SCCPDH: variants seen among roughly 807,000 people sequenced by gnomAD.
The protein encoded by SCCPDH is saccharopine dehydrogenase (putative), also known as saccharopine dehydrogenase-like oxidoreductase.
In SCCPDH, 34 loss-of-function variants were observed where a neutral mutation model predicts 51.5. That is an observed-to-expected ratio of 0.66 (90% confidence interval 0.50 to 0.88). SCCPDH has a LOEUF of 0.88. Among genes scored for constraint, SCCPDH ranks in the 40% least tolerant of loss-of-function variants. The pLI, the probability that SCCPDH is intolerant of heterozygous loss-of-function variation, is 0.00. For synonymous variants in SCCPDH, 187 were observed against 191.3 expected, an observed-to-expected ratio of 0.98 and a Z score of 0.19; for missense variants, 464 against 527.1, an observed-to-expected ratio of 0.88 and a Z score of 1.17.
chr1:246,737,589 C>T lies in SCCPDH; in HGVS notation c.384+1534C>T, dbSNP rs563073603. On this transcript the variant is annotated intron_variant, in intron 3 of 11. Transcript: ENST00000366510. ...CTAGAAACTATCATAAAAGTAGTAT[C>T]GAACCCCCCCCTTTTTTTTTGATAC... 7.2e-5 allele frequency among the ~76,000 whole-genome samples: 11 copies of T among 152,024 alleles called. No homozygotes were observed. The East Asian group carries it at 1.2e-3, about 16-fold the overall frequency.
At chr1:246,727,231 G>T (rs541305023) in intron 2 of SCCPDH, among the ~76,000 whole-genome samples, 2 of 152,186 alleles carry the variant, frequency 1.3e-5, no homozygotes, top group Non-Finnish European at 2.9e-5. Context: ...GTGCTGGCTT[G>T]TTGATTGGTT....
intron 5 of SCCPDH, among the ~76,000 whole-genome samples, chr1:246,753,651 A>G (rs374053993): frequency 3.3e-5 from 5 of 152,116 alleles, no homozygotes; most frequent in African/African-American, 9.6e-5. Context: ...GATCCGCTGT[A>G]GGAACGTTTT....
At chr1:246,739,683 A>T (rs1302023093) in intron 3 of SCCPDH, among the ~76,000 whole-genome samples, 1 of 152,118 alleles carries the variant, frequency 6.6e-6, no homozygotes, top group African/African-American at 2.4e-5. Context: ...CTACTATTCA[A>T]TTTTTCTGTA....
intron 1 of SCCPDH, among the ~76,000 whole-genome samples, chr1:246,725,032 A>G (rs1293037852): frequency 6.6e-6 from 1 of 151,996 alleles, no homozygotes; most frequent in Non-Finnish European, 1.5e-5. Context: ...TCTCTTGGAG[A>G]TCGGAGTCTC....
At chr1:246,741,664 T>C (rs61852482) in intron 4 of SCCPDH, among the ~76,000 whole-genome samples, 25,326 of 152,118 alleles carry the variant, frequency 0.17, 3,325 homozygotes, top group African/African-American at 0.36. Flanking sequence ...GTTATGCAAT[T>C]ATATCAGAGG....
intron 1 of SCCPDH, among the ~76,000 whole-genome samples, 198 bp downstream of exon 1, chr1:246,724,810 C>T (rs1240114506): frequency 6.6e-6 from 1 of 152,204 alleles, no homozygotes; most frequent in Non-Finnish European, 1.5e-5. Context: ...TGTGTGTGCG[C>T]GTGCGTGTAT....
chr1:246,731,752 T>C (rs1401010739), intron 2 of SCCPDH, among the ~76,000 whole-genome samples: 2 of 152,208 alleles, frequency 1.3e-5, no homozygotes, highest in Non-Finnish European at 2.9e-5. Flanking sequence ...CTAGGGTACA[T>C]GTGCACAACA....
At position 246,743,291 on chromosome 1, in the gene SCCPDH, A is replaced by T. The variant is rs189497900; in HGVS notation, c.515-785A>T. Among the ~76,000 whole-genome samples, 836 of 152,062 alleles carry T rather than the reference A, an allele frequency of 5.5e-3. 4 individuals carry two copies. The highest frequency in any genetic ancestry group is 8.7e-3 in the Non-Finnish European group (594 of 67,962). On this transcript the variant is annotated intron_variant, in intron 4 of 11. Coordinates refer to ENST00000366510, the MANE Select transcript of SCCPDH (RefSeq NM_016002.3). ...GCCACTGCAGCTGGCTAATTTTTTT[A>T]AAAAAATTGGGGGCCGGGCATGGTG...
intron 4 of SCCPDH, 83 bp from the exon 5 acceptor site, chr1:246,743,993 A>C (rs1668718949): frequency 1.3e-6 from 1 of 777,192 alleles, no homozygotes. Context: ...TCCCTAAGTG[A>C]ATACGCATTG....
chr1:246,739,446 C>A lies in SCCPDH; in HGVS notation c.385-726C>A, dbSNP rs921427220. On this transcript the variant is annotated intron_variant, in intron 3 of 11. Transcript: ENST00000366510. ...CAGAGACAAGGAAAGTGTGAGAAACCGTCGCAGCCAAAAGAAGCCGAAGGA... is the reference window on the plus strand; with the variant it reads ...CAGAGACAAGGAAAGTGTGAGAAACAGTCGCAGCCAAAAGAAGCCGAAGGA... 3.9e-5 allele frequency among the ~76,000 whole-genome samples: 6 copies of A among 152,246 alleles called. No homozygotes were observed. The East Asian group carries it at 9.7e-4, about 25-fold the overall frequency.
intron 9 of SCCPDH, among the ~76,000 whole-genome samples, chr1:246,763,627 T>C (rs1165279509): frequency 6.6e-6 from 1 of 152,200 alleles, no homozygotes; most frequent in African/African-American, 2.4e-5. Flanking sequence ...GTCACATTGT[T>C]ATTTAATCTG....
rs758717053 is a variant in SCCPDH, at chr1:246,766,139, C to T, written c.1184C>T (p.Ala395Val). ...AGTGATGCTTCTCATCTGCCTAAGG[C>T]GTAAGTTTGGTTTTCTTCCAATTAG... ...LLSDASHLPK[A>V]GGVFTPGAAF... is the part of the protein sequence containing the mutation. The change falls in exon 11 of 12, where the codon GCG (alanine) becomes GTG (valine). Residue 395 changes from alanine to valine, a missense_variant and splice_region_variant. Physicochemically the swap from Ala to Val is moderately conservative, Grantham distance 64. Coordinates refer to ENST00000366510, the MANE Select transcript of SCCPDH (RefSeq NM_016002.3). 1.1e-5 allele frequency: 17 copies of T among 1,602,660 alleles called. No homozygotes were observed. Among genetic ancestry groups the T allele is most frequent in the South Asian group, 2.2e-5 (2 of 89,882 alleles).
At chr1:246,753,005 C>CTCTCTCTTTGCCTCTCTGTCTCTT (rs1668875205) in intron 5 of SCCPDH, among the ~76,000 whole-genome samples, 1 of 151,940 alleles carries the variant, frequency 6.6e-6, no homozygotes, top group Non-Finnish European at 1.5e-5. Flanking sequence ...CTGTCTCTTT[C>CTCTCTCTTTGCCTCTCTGTCTCTT]TCTCTCTTTG....
At chr1:246,751,379 T>C (rs1668848858) in intron 5 of SCCPDH, among the ~76,000 whole-genome samples, 1 of 152,256 alleles carries the variant, frequency 6.6e-6, no homozygotes, top group African/African-American at 2.4e-5. Flanking sequence ...ACAGAAACTT[T>C]AACCAATATG....
chr1:246,744,423 A>G (rs1176801152), intron 5 of SCCPDH, among the ~76,000 whole-genome samples: 1 of 151,872 alleles, frequency 6.6e-6, no homozygotes, highest in Non-Finnish European at 1.5e-5. Flanking sequence ...GGTTCAAGCG[A>G]TTCTCCTGCC....
At chr1:246,726,268 C>T (rs946423073) in intron 1 of SCCPDH, among the ~76,000 whole-genome samples, 1 of 152,080 alleles carries the variant, frequency 6.6e-6, no homozygotes, top group Admixed American at 6.6e-5. Flanking sequence ...GACAAGTTCT[C>T]ATTCTGCCAC....
chr1:246,728,892 G>A (rs1386467553), intron 2 of SCCPDH, among the ~76,000 whole-genome samples: 4 of 152,282 alleles, frequency 2.6e-5, no homozygotes, highest in Admixed American at 2.6e-4. Context: ...CCAGCCCCCA[G>A]TATTTCAACA....
At position 246,724,529 on chromosome 1, in the gene SCCPDH, G is replaced by A. The variant is rs1668357528; in HGVS notation, c.107G>A (p.Arg36Gln). ...GCCCGGGAGCAGGTGGACCCGGAGC[G>A]GAGCTCCCGCCTGCCCTGGGCCGTG... is the stretch of plus-strand genomic sequence containing the variant. ...EVAREQVDPE[R>Q]SSRLPWAVAG... The change falls in exon 1 of 12, where the codon CGG becomes CAG. Residue 36 changes from arginine (R) to glutamine (Q), a missense_variant. By Grantham distance (43) the Arg-to-Gln change is conservative. Coordinates refer to ENST00000366510, the MANE Select transcript of SCCPDH (RefSeq NM_016002.3). 5 of 1,547,096 alleles carry A rather than the reference G, an allele frequency of 3.2e-6. No individual in the cohort carries two copies. Among genetic ancestry groups the A allele is most frequent in the Admixed American group, 3.9e-5 (2 of 50,646 alleles).
At chr1:246,751,985 G>A (rs953589622) in intron 5 of SCCPDH, among the ~76,000 whole-genome samples, 4 of 149,930 alleles carry the variant, frequency 2.7e-5, no homozygotes, top group Non-Finnish European at 5.9e-5. Flanking sequence ...CTTTCACCGT[G>A]TTAGCCAGGA....
Sources: gnomAD v4.1 joint callset for allele counts (sites outside exome capture counted in the v4.1 genomes callset) on GRCh38, gnomAD v4.1.1 for gene constraint, MANE v1.5 for transcripts, NCBI Gene and HGNC (gene_info 2026-07-23, HGNC 2026-07-21) for gene names.